ANO7: variants seen among roughly 807,000 people sequenced by gnomAD.
The protein encoded by ANO7 is anoctamin-7.
ANO7 carries 114 observed loss-of-function variants against 115.8 expected under a neutral mutation model. The observed-to-expected ratio is 0.98, with a 90% CI of 0.85 to 1.15. The LOEUF (loss-of-function observed/expected upper bound fraction) is 1.15. Ranked by LOEUF, ANO7 falls within the 50% of genes most tolerant of loss-of-function variation. The pLI is 0.00. For missense variants in ANO7, 1,302 were observed against 1,201.2 expected, an observed-to-expected ratio of 1.08 and a Z score of -1.24; for synonymous variants, 550 against 498.2, an observed-to-expected ratio of 1.10 and a Z score of -1.38.
intron 2 of ANO7, among the ~76,000 whole-genome samples, chr2:241,190,931 G>A (rs953253097): frequency 6.6e-6 from 1 of 152,224 alleles, no homozygotes; most frequent in Non-Finnish European, 1.5e-5. Flanking sequence ...GAGGGGAGCC[G>A]GCTGGAGGCC....
rs2068617896 is a variant in ANO7, at chr2:241,207,366, A to G, written c.981-208A>G. Among the ~76,000 whole-genome samples the G allele has an allele frequency of 2.0e-5, 3 of 152,266 alleles. No individual in the cohort carries two copies. In the South Asian group the frequency reaches 6.2e-4, roughly 31 times the overall value. On this transcript the variant is annotated intron_variant, in intron 10 of 24. Transcript: ENST00000674324. ...AAATGGGCTTGTGTTTTAGTTTATC[A>G]TGGAACTGAAATTCAGAAACTTAAC...
chr2:241,212,568 C>T lies in ANO7; in HGVS notation c.1674-4C>T. 1 of 1,612,840 alleles carries T rather than the reference C, an allele frequency of 6.2e-7. No individual in the cohort carries two copies. Among genetic ancestry groups the T allele is most frequent in the East Asian group, 2.2e-5 (1 of 44,874 alleles). On this transcript the variant is annotated splice_polypyrimidine_tract_variant and splice_region_variant and intron_variant, in intron 16 of 24. Coordinates refer to ENST00000674324, the MANE Select transcript of ANO7 (RefSeq NM_001370694.2). The stretch of plus-strand genomic sequence containing the variant: ...CAAGGCTCATGATCTTGACTTTCTC[C>T]TAGGTTTGTGGGATACCCAGGCAAC...
the ANO7 span, among the ~76,000 whole-genome samples, chr2:241,237,097 A>T: frequency 6.6e-6 from 1 of 152,038 alleles, no homozygotes; most frequent in African/African-American, 2.4e-5. Context: ...CTTCAGTGAG[A>T]TCAGATGAGT....
Position 241,202,305 on chromosome 2 carries a change from G to A in ANO7, c.723+1G>A, listed in dbSNP as rs761464745. ...CAGTGCCGCCTTCCCCCTGCATGAC[G>A]TGAGCTCGGGGGCTGGGGGCTCCAG... On this transcript the variant is annotated splice_donor_variant, in intron 8 of 24. Coordinates refer to ENST00000674324, the MANE Select transcript of ANO7 (RefSeq NM_001370694.2). LOFTEE classifies it high-confidence loss of function. 4.3e-6 allele frequency: 7 copies of A among 1,611,484 alleles called. No individual in the cohort carries two copies. Among genetic ancestry groups the A allele is most frequent in the East Asian group, 4.5e-5 (2 of 44,894 alleles).
intron 13 of ANO7, 68 bp from the exon 14 acceptor site, chr2:241,210,227 C>T (rs2068688126): frequency 6.7e-7 from 1 of 1,495,810 alleles, no homozygotes; most frequent in Non-Finnish European, 9.3e-7. Context: ...TGTCGGGGGC[C>T]ATGGCCTGAG....
At chr2:241,202,170 CG>C in intron 7 of ANO7, 23 bp from the exon 8 acceptor site, 1 of 1,598,670 alleles carries the variant, frequency 6.3e-7, no homozygotes, top group Non-Finnish European at 8.6e-7. Flanking sequence ...AAGTGACCTG[CG>C]CCATCCTCCA....
rs1016535347 is a variant in ANO7 at position 241,225,086 on chromosome 2, T to C, written c.*933T>C. ...TGTGACGTGCAGTTCTGCCCTGTGC[T>C]GGGGAGCCACATGAAGCTTCCCCTG... On this transcript the variant is annotated 3_prime_UTR_variant, in exon 25 of 25. Coordinates refer to ENST00000674324, the MANE Select transcript of ANO7 (RefSeq NM_001370694.2). 6 of 152,214 alleles carry C rather than the reference T, an allele frequency of 3.9e-5. No homozygotes were observed. The highest frequency in any genetic ancestry group is 7.3e-5 in the Non-Finnish European group (5 of 68,056). The allele number at this position is 152,214 out of a possible 1,614,324, so 9.4% of individuals were successfully genotyped here.
intron 17 of ANO7, 119 bp downstream of exon 17, chr2:241,212,745 C>T: frequency 1.7e-6 from 2 of 1,148,708 alleles, no homozygotes; most frequent in East Asian, 2.6e-5. Flanking sequence ...TTCCATCGCC[C>T]AGCCAGGGCC....
intron 4 of ANO7, among the ~76,000 whole-genome samples, chr2:241,198,241 G>A (rs1288538980): frequency 6.6e-6 from 1 of 152,072 alleles, no homozygotes; most frequent in Non-Finnish European, 1.5e-5. Flanking sequence ...CCCCACCCCA[G>A]GGTGCCCCTC....
At chr2:241,190,823 G>A (rs1043505678) in intron 2 of ANO7, among the ~76,000 whole-genome samples, 6 of 152,212 alleles carry the variant, frequency 3.9e-5, no homozygotes, top group African/African-American at 1.4e-4. Flanking sequence ...GGAGCAGTCC[G>A]GCTCCCCTCT....
Position 241,200,117 on chromosome 2 carries a change from C to T in ANO7, c.446C>T (p.Ser149Leu), listed in dbSNP as rs201908062. 50 of 1,613,018 alleles carry T rather than the reference C, an allele frequency of 3.1e-5. No homozygotes were observed. The Admixed American group carries it at 3.8e-4, about 12-fold the overall frequency. ...TTACCCAACCAGGCCTCCAACTGGT[C>T]GGCCGGCCTGCTGGCATGGCTGGGC... Reference protein sequence around the residue: ...QELPNQASNWSAGLLAWLGIP... With the variant: ...QELPNQASNWLAGLLAWLGIP... Residue 149 changes from serine to leucine, a missense_variant, in exon 6 of 25, where the codon TCG becomes TTG. Ser to Leu is a moderately radical substitution (Grantham distance 145). Coordinates refer to ENST00000674324, the MANE Select transcript of ANO7 (RefSeq NM_001370694.2).
chr2:241,190,704 G>A (rs1017987148), intron 2 of ANO7, among the ~76,000 whole-genome samples: 7 of 152,166 alleles, frequency 4.6e-5, no homozygotes, highest in East Asian at 1.9e-4. Flanking sequence ...CCTTCCTGCC[G>A]CCCCAAGCAC....
intron 13 of ANO7, 106 bp from the exon 14 acceptor site, chr2:241,210,189 G>C: frequency 9.0e-7 from 1 of 1,111,266 alleles, no homozygotes; most frequent in Non-Finnish European, 1.4e-6. Context: ...AGGTGGCAGT[G>C]CTGGGGCCAG....
rs951071442 is a variant in ANO7 at position 241,217,781 on chromosome 2, G to A, written c.2068G>A (p.Ala690Thr). The A allele has an allele frequency of 3.1e-6, 5 of 1,609,858 alleles. No homozygotes were observed. Among genetic ancestry groups the A allele is most frequent in the Non-Finnish European group, 4.2e-6 (5 of 1,178,810 alleles). Residue 690 changes from alanine to threonine, a missense_variant, in exon 20 of 25, where the codon GCG becomes ACG. Transcript: ENST00000674324. ...LNNWVEIRLD[A>T]RKFVCEYRRP... ...CAACTGGGTGGAGATCCGCTTGGAC[G>A]CGCGCAAGTTCGTCTGCGAGTACCG...
the ANO7 span, among the ~76,000 whole-genome samples, chr2:241,235,834 T>C: frequency 2.6e-5 from 4 of 152,172 alleles, no homozygotes; most frequent in African/African-American, 9.7e-5. Flanking sequence ...CCCTCCTGAA[T>C]TACAGCAGCC....
the ANO7 span, chr2:241,238,535 A>T: frequency 1.2e-6 from 1 of 846,570 alleles, no homozygotes; most frequent in Non-Finnish European, 1.7e-6. This position sits in a 1 kb window ranked among gnomAD's most constrained non-coding sequence, Gnocchi z 4.9. Flanking sequence ...CAGAATACAT[A>T]GATGGTTTTC....
Position 241,200,086 on chromosome 2 carries a change from C to T in ANO7, c.418-3C>T. 2.5e-6 allele frequency: 4 copies of T among 1,611,600 alleles called. No individual in the cohort carries two copies. The highest frequency in any genetic ancestry group is 3.4e-6 in the Non-Finnish European group (4 of 1,179,942). On this transcript the variant is annotated splice_region_variant and splice_polypyrimidine_tract_variant and intron_variant, in intron 5 of 24. Coordinates refer to ENST00000674324, the MANE Select transcript of ANO7 (RefSeq NM_001370694.2). ...GGGAGGAGCCACTGACGTTTCCTTC[C>T]AGGAGTTACCCAACCAGGCCTCCAA...
At chr2:241,232,487 G>C in the ANO7 span, among the ~76,000 whole-genome samples, 1 of 152,134 alleles carries the variant, frequency 6.6e-6, no homozygotes, top group Non-Finnish European at 1.5e-5. Context: ...TGTTGGTCAG[G>C]TTGGCCTTGA....
rs1464139155 is a variant in ANO7, at chr2:241,218,398, G to A, written c.2321+17G>A. 6 of 1,331,026 alleles carry A rather than the reference G, an allele frequency of 4.5e-6. No homozygotes were observed. The highest frequency in any genetic ancestry group is 3.2e-5 in the East Asian group (1 of 31,086). The allele number at this position is 1,331,026 out of a possible 1,614,324, so 82.5% of individuals were successfully genotyped here. On this transcript the variant is annotated intron_variant, in intron 21 of 24. Coordinates refer to ENST00000674324, the MANE Select transcript of ANO7 (RefSeq NM_001370694.2). Reference sequence around the variant, plus strand: ...CACGTGCAGGTGAGCCCCGCGCCAGGTGGAGGGGGCCGCGGGCGCACGAGG... The same window carrying A: ...CACGTGCAGGTGAGCCCCGCGCCAGATGGAGGGGGCCGCGGGCGCACGAGG...
Sources: gnomAD v4.1 joint callset for allele counts (sites outside exome capture counted in the v4.1 genomes callset) on GRCh38, gnomAD v4.1.1 for gene constraint, Gnocchi (gnomAD v3.1) non-coding constraint, MANE v1.5 for transcripts, NCBI Gene and HGNC (gene_info 2026-07-23, HGNC 2026-07-21) for gene names.